Variants in B4GALNT2 observed in about 807,000 individuals in gnomAD.
The protein encoded by B4GALNT2 is beta-1,4-N-acetyl-galactosaminyltransferase 2 (SID blood group), also known as N-acetylneuraminylgalactosylglucosyl-glucoside beta-1,4-N- acetylgalactosaminyltransferase 2.
Under a neutral mutation model 51.1 loss-of-function variants are expected in B4GALNT2, and 42 were observed. That is an observed-to-expected ratio of 0.82 (90% CI 0.64 to 1.06). The LOEUF (loss-of-function observed/expected upper bound fraction) is 1.06, where lower values mean the gene tolerates loss of function less well. Ranked by LOEUF, B4GALNT2 falls within the 50% of genes least tolerant of loss-of-function variation. The probability of loss-of-function intolerance (pLI) is 0.00; values close to 1 mark genes in which losing one functional copy is unlikely to be tolerated. For missense variants in B4GALNT2, 602 were observed against 633.6 expected, an observed-to-expected ratio of 0.95 and a Z score of 0.54; for synonymous variants, 253 against 251.7, an observed-to-expected ratio of 1.01 and a Z score of -0.05.
chr17:49,132,729 G>A, upstream of B4GALNT2: 2 of 1,381,830 alleles, frequency 1.4e-6, no homozygotes, highest in South Asian at 1.8e-5. Context: ...CCAGGGCGGG[G>A]CAGTCGGCGG....
At chr17:49,123,702 A>G in the B4GALNT2 span, among the ~76,000 whole-genome samples, 2 of 152,204 alleles carry the variant, frequency 1.3e-5, no homozygotes, top group Admixed American at 6.5e-5. Context: ...ACCATTAAAT[A>G]CCTATGAGTT....
upstream of B4GALNT2, among the ~76,000 whole-genome samples, chr17:49,131,208 T>C (rs2042535950): frequency 6.6e-6 from 1 of 152,164 alleles, no homozygotes; most frequent in African/African-American, 2.4e-5. Flanking sequence ...AAATGTCTTT[T>C]TTTACCCCCC....
chr17:49,133,140 G>C (rs1450809170), intron 1 of B4GALNT2: 11 of 1,526,850 alleles, frequency 7.2e-6, no homozygotes, highest in Non-Finnish European at 9.6e-6. Flanking sequence ...TGCGGGCTTC[G>C]GGGCTCTCTG....
intron 5 of B4GALNT2, among the ~76,000 whole-genome samples, chr17:49,157,494 G>A (rs891871033): frequency 6.6e-6 from 1 of 152,050 alleles, no homozygotes; most frequent in Non-Finnish European, 1.5e-5. Context: ...CTAATTTTTT[G>A]TATTTTTAGT....
intron 1 of B4GALNT2, among the ~76,000 whole-genome samples, chr17:49,133,732 G>T (rs972941404): frequency 2.0e-5 from 3 of 152,046 alleles, no homozygotes; most frequent in African/African-American, 7.2e-5. Flanking sequence ...GGCCAACATG[G>T]TGAAACCCCG....
In B4GALNT2 at chr17:49,147,875, C is replaced by A. The variant is rs1014881000; in HGVS notation, c.354-4925C>A. ...TGTGTGTGTGTGTGTGTATATATAT[C>A]CATATAAACATATACTGTTGGTTTT... On this transcript the variant is annotated intron_variant, in intron 3 of 10. Coordinates refer to ENST00000393354, the MANE Select transcript of B4GALNT2 (RefSeq NM_001159387.2). 2.9e-4 allele frequency among the ~76,000 whole-genome samples: 43 copies of A among 150,268 alleles called. 1 individual carries two copies. The highest frequency in any genetic ancestry group is 5.8e-4 in the Non-Finnish European group (39 of 67,582).
the B4GALNT2 span, among the ~76,000 whole-genome samples, chr17:49,125,665 C>T: frequency 2.4e-3 from 331 of 138,008 alleles, 1 homozygote; most frequent in African/African-American, 8.6e-3. Context: ...GGGTGAGGAG[C>T]GTCTCCGCCC....
intron 6 of B4GALNT2, among the ~76,000 whole-genome samples, chr17:49,160,120 A>G (rs948999404): frequency 2.0e-5 from 3 of 152,220 alleles, no homozygotes; most frequent in Non-Finnish European, 4.4e-5. Context: ...ACGGTTACAG[A>G]TGATATTCAT....
intron 7 of B4GALNT2, 76 bp downstream of exon 7, chr17:49,160,717 T>TG: frequency 7.4e-7 from 1 of 1,343,006 alleles, no homozygotes; most frequent in South Asian, 1.2e-5. Context: ...GGATCACCTC[T>TG]GAGACGGAGG....
rs749860075 is a variant in B4GALNT2, at chr17:49,142,067, C to G, written c.248C>G (p.Ala83Gly). Residue 83 changes from alanine to glycine, a missense_variant, in exon 3 of 11, where the codon GCC becomes GGC. Coordinates refer to ENST00000393354, the MANE Select transcript of B4GALNT2 (RefSeq NM_001159387.2). ...LFPKNQCKCE[A>G]NKEQGGYNFQ... ...CCGAAAAATCAGTGCAAATGTGAAG[C>G]CAACAAAGAGCAGGGAGGTTACAAC... The G allele has an allele frequency of 2.5e-6, 4 of 1,614,142 alleles. No individual in the cohort carries two copies. In the South Asian group the frequency reaches 4.4e-5, roughly 18 times the overall value.
At chr17:49,156,675 G>A (rs2042813910) in intron 5 of B4GALNT2, 72 bp downstream of exon 5, 1 of 1,525,294 alleles carries the variant, frequency 6.6e-7, no homozygotes. Flanking sequence ...GCTGCTCTCA[G>A]CCTTTGACGG....
rs749306956 is a variant in B4GALNT2, at chr17:49,141,376, C to T, written c.144C>T (p.Ala48=). 1 of 1,614,116 alleles carries T rather than the reference C, an allele frequency of 6.2e-7. No homozygotes were observed. The highest frequency in any genetic ancestry group is 8.5e-7 in the Non-Finnish European group (1 of 1,180,022). ...SSPKPELPSP[A]PGVQKLKLLP... ...CCAAGCCAGAACTCCCAAGTCCTGC[C>T]CCGGGTGTCCAGAAGCTGAAGCTTC... The change falls in exon 2 of 11, where the codon GCC becomes GCT. Residue 48 remains alanine (A), a synonymous_variant. Transcript: ENST00000393354.
At chr17:49,160,139 G>C (rs1439984871) in intron 6 of B4GALNT2, among the ~76,000 whole-genome samples, 1 of 152,164 alleles carries the variant, frequency 6.6e-6, no homozygotes, top group African/African-American at 2.4e-5. Flanking sequence ...ATGACCACTA[G>C]CTAAAGAGAT....
At chr17:49,124,848 T>G in the B4GALNT2 span, among the ~76,000 whole-genome samples, 2 of 152,230 alleles carry the variant, frequency 1.3e-5, no homozygotes, top group African/African-American at 4.8e-5. Context: ...CCTGTTGTGC[T>G]TTTATTTTAA....
chr17:49,159,058 G>C lies in B4GALNT2; in HGVS notation c.520G>C (p.Gly174Arg). 1 of 1,614,118 alleles carries C rather than the reference G, an allele frequency of 6.2e-7. No homozygotes were observed. Among genetic ancestry groups the C allele is most frequent in the Non-Finnish European group, 8.5e-7 (1 of 1,180,010 alleles). Residue 174 changes from glycine (G) to arginine (R), a missense_variant, in exon 6 of 11, where the codon GGG becomes CGG. By Grantham distance (125) the Gly-to-Arg change is moderately radical (BLOSUM62 -2). Transcript: ENST00000393354. ...CTAGGTCACCCTGACAGCTTCTCTG[G>C]GGACACTGAACACCCTTGCTGATGT... Reference protein sequence around the residue: ...VYEVTLTASLGTLNTLADVPD... With the variant: ...VYEVTLTASLRTLNTLADVPD...
At chr17:49,133,028 G>C in intron 1 of B4GALNT2, 1 of 1,489,226 alleles carries the variant, frequency 6.7e-7, no homozygotes, top group Non-Finnish European at 8.9e-7. Flanking sequence ...CCCCAGGAAT[G>C]GGGAGCGCTG....
rs2042853065 is a variant in B4GALNT2 at position 49,160,480 on chromosome 17, G to A, written c.680-75G>A. On this transcript the variant is annotated intron_variant, in intron 6 of 10. Transcript: ENST00000393354. ...ACCAAACCTGTACTCGCCTGTCATGGTGGCTTCCCGGGGTGGCATGGAGTT... is the reference window on the plus strand; with the variant it reads ...ACCAAACCTGTACTCGCCTGTCATGATGGCTTCCCGGGGTGGCATGGAGTT... 2.1e-6 allele frequency: 3 copies of A among 1,400,990 alleles called. No individual in the cohort carries two copies. In the South Asian group the frequency reaches 3.5e-5, roughly 16 times the overall value. 86.8% of individuals were successfully genotyped at this position (1,400,990 alleles called of 1,614,324 possible). A position where few individuals can be genotyped will look rare whatever the true frequency, so the allele number is the denominator to read the frequency against.
At chr17:49,150,684 C>G (rs1167779165) in intron 3 of B4GALNT2, among the ~76,000 whole-genome samples, 2 of 151,144 alleles carry the variant, frequency 1.3e-5, no homozygotes, top group Admixed American at 6.6e-5. Flanking sequence ...GGATTAAGGG[C>G]GGTGCAAGAT....
At chr17:49,128,882 G>T (rs1281556059), upstream of B4GALNT2, among the ~76,000 whole-genome samples, 1 of 152,148 alleles carries the variant, frequency 6.6e-6, no homozygotes, top group Non-Finnish European at 1.5e-5. Flanking sequence ...GAAGCCAAGG[G>T]TGTCTGTTTT....
Sources: gnomAD v4.1 joint callset for allele counts (sites outside exome capture counted in the v4.1 genomes callset) on GRCh38, gnomAD v4.1.1 for gene constraint, MANE v1.5 for transcripts, NCBI Gene and HGNC (gene_info 2026-07-23, HGNC 2026-07-21) for gene names.